The following SLC8A1 variants were observed in gnomAD, a reference collection of about 807,000 sequenced individuals.
SLC8A1 encodes sodium/calcium exchanger 1.
Under a neutral mutation model 68.3 loss-of-function variants are expected in SLC8A1, and 18 were observed. The ratio of observed to expected loss-of-function variants is 0.26; its 90% CI spans 0.18 to 0.39. SLC8A1 has a LOEUF of 0.39. Among genes scored for constraint, SLC8A1 ranks in the 10% least tolerant of loss-of-function variants. The probability of loss-of-function intolerance (pLI) is 1.00; values close to 1 mark genes in which losing one functional copy is unlikely to be tolerated. For synonymous variants in SLC8A1, 475 were observed against 415.5 expected (o/e 1.14, Z -1.74); for missense variants, 985 against 1,156.7 (o/e 0.85, Z 2.15).
rs754267998 is a variant in SLC8A1, at chr2:40,429,550, A to G, written c.731T>C (p.Ile244Thr). 50 of 1,613,656 alleles carry G rather than the reference A, an allele frequency of 3.1e-5. No individual in the cohort carries two copies. The highest frequency in any genetic ancestry group is 4.0e-5 in the African/African-American group (3 of 74,882). ...CGCTACCCAAGCGAACACAACACAG[A>G]TGGGAAAGAAGAAGAAAGTAAGCAA... Residue 244 changes from isoleucine (I) to threonine (T), a missense_variant, in exon 2 of 8, where the codon ATC becomes ACC. Physicochemically the swap from Ile to Thr is moderately conservative, Grantham distance 89. Around this residue, in one of 5 missense-constraint regions of SLC8A1, gnomAD observed 88 missense variants for 111.8 expected, o/e 0.79. Coordinates refer to ENST00000406785, the Ensembl canonical transcript of SLC8A1.
intron 2 of SLC8A1, among the ~76,000 whole-genome samples, chr2:40,211,539 G>T (rs1160131559): frequency 2.0e-5 from 3 of 152,182 alleles, no homozygotes; most frequent in Non-Finnish European, 4.4e-5. Flanking sequence ...CATCTTGGAA[G>T]ATTTTCATGT....
At chr2:40,379,513 G>T (rs962378557) in intron 2 of SLC8A1, among the ~76,000 whole-genome samples, 7 of 152,054 alleles carry the variant, frequency 4.6e-5, no homozygotes, top group Non-Finnish European at 7.4e-5. Flanking sequence ...CTTCTCAAAA[G>T]TGTCCCCCAT....
At chr2:40,409,797 A>G (rs1691525422) in intron 2 of SLC8A1, among the ~76,000 whole-genome samples, 1 of 152,166 alleles carries the variant, frequency 6.6e-6, no homozygotes, top group African/African-American at 2.4e-5. Flanking sequence ...CAGAAAAGGC[A>G]GTGAGAATGT....
chr2:40,319,081 CA>C lies in SLC8A1; in HGVS notation c.1808+109391del, dbSNP rs2074863625. Among the ~76,000 whole-genome samples the C allele has an allele frequency of 7.9e-5, 12 of 152,172 alleles. No homozygotes were observed. In the South Asian group the frequency reaches 2.5e-3, roughly 32 times the overall value. On this transcript the variant is annotated intron_variant, in intron 2 of 7. Transcript: ENST00000406785. ...CAGCTGAGAAGGTAATTTAGGTAGA[CA>C]CAATGAGAAAGCCTTAATTCCTGGC... is the stretch of plus-strand genomic sequence containing the variant.
intron 2 of SLC8A1, among the ~76,000 whole-genome samples, chr2:40,374,039 T>C (rs981739): frequency 0.68 from 103,683 of 152,022 alleles, 36,546 homozygotes; most frequent in African/African-American, 0.86. Context: ...CAGGACGCAG[T>C]GAGGTAAAGT....
intron 2 of SLC8A1, among the ~76,000 whole-genome samples, chr2:40,343,268 A>G (rs1668271199): frequency 6.6e-6 from 1 of 152,086 alleles, no homozygotes; most frequent in African/African-American, 2.4e-5. Context: ...GCCATAGGAT[A>G]ACTCACTTCC....
At chr2:40,162,559 G>A (rs942253035) in intron 5 of SLC8A1, among the ~76,000 whole-genome samples, 1 of 151,982 alleles carries the variant, frequency 6.6e-6, no homozygotes, top group Non-Finnish European at 1.5e-5. Flanking sequence ...AAAACTCAGG[G>A]TAGATTTTAA....
intron 2 of SLC8A1, among the ~76,000 whole-genome samples, chr2:40,336,928 A>C (rs1666152575): frequency 6.6e-6 from 1 of 152,162 alleles, no homozygotes; most frequent in Non-Finnish European, 1.5e-5. Flanking sequence ...TGCTTACTTT[A>C]TAGAGGTGGT....
At chr2:40,303,502 A>G (rs1000052226) in intron 2 of SLC8A1, among the ~76,000 whole-genome samples, 3 of 152,190 alleles carry the variant, frequency 2.0e-5, no homozygotes, top group African/African-American at 7.2e-5. Flanking sequence ...AAAATACTCC[A>G]CTAACTTGAC....
At chr2:40,448,340 G>A (rs1197012154) in intron 1 of SLC8A1, among the ~76,000 whole-genome samples, 6 of 152,160 alleles carry the variant, frequency 3.9e-5, no homozygotes, top group South Asian at 2.1e-4. Flanking sequence ...AAGTAATCCC[G>A]CTGCACTTAA....
At chr2:40,459,257 A>G (rs200304674) in intron 1 of SLC8A1, among the ~76,000 whole-genome samples, 1 of 152,212 alleles carries the variant, frequency 6.6e-6, no homozygotes, top group Non-Finnish European at 1.5e-5. Flanking sequence ...GGTTTAGGGA[A>G]AGTACTAGTT....
At chr2:40,423,283 G>A (rs1482855977) in intron 2 of SLC8A1, among the ~76,000 whole-genome samples, 2 of 151,942 alleles carry the variant, frequency 1.3e-5, no homozygotes, top group East Asian at 1.9e-4. Context: ...TCCTCCAAAA[G>A]CAAATGAAAA....
chr2:40,289,268 T>G (rs1457135247), intron 2 of SLC8A1, among the ~76,000 whole-genome samples: 1 of 152,276 alleles, frequency 6.6e-6, no homozygotes, highest in East Asian at 1.9e-4. Flanking sequence ...TGAAAAATAT[T>G]GTTAAACTAT....
chr2:40,329,225 G>A (rs868383931), intron 2 of SLC8A1, among the ~76,000 whole-genome samples: 3 of 152,070 alleles, frequency 2.0e-5, no homozygotes, highest in South Asian at 2.1e-4. Context: ...TTACGCAACC[G>A]TTAGGTCCAA....
chr2:40,222,169 GAT>G (rs367861306), intron 2 of SLC8A1, among the ~76,000 whole-genome samples: 1 of 150,110 alleles, frequency 6.7e-6, no homozygotes, highest in African/African-American at 2.4e-5. Flanking sequence ...TACCAAATTA[GAT>G]ATATATATAT....
chr2:40,267,554 C>T (rs1272538807), intron 2 of SLC8A1, among the ~76,000 whole-genome samples: 3 of 152,098 alleles, frequency 2.0e-5, no homozygotes, highest in East Asian at 1.9e-4. Context: ...TTTGTGAAAG[C>T]AGGAAATATG....
chr2:40,316,245 T>C (rs1472632156), intron 2 of SLC8A1, among the ~76,000 whole-genome samples: 3 of 152,014 alleles, frequency 2.0e-5, no homozygotes, highest in Non-Finnish European at 4.4e-5. Flanking sequence ...TCCTTTGTGG[T>C]TCAAGGACAT....
chr2:40,493,391 G>A lies in SLC8A1; in HGVS notation c.-25+18958C>T, dbSNP rs183030329. Among the ~76,000 whole-genome samples the A allele has an allele frequency of 3.8e-3, 582 of 151,522 alleles. 5 individuals are homozygous for A. Among genetic ancestry groups the A allele is most frequent in the African/African-American group, 0.013 (534 of 41,206 alleles). On this transcript the variant is annotated intron_variant, in intron 1 of 7. Transcript: ENST00000402441. ...GGGATAGCTTTAGGAGATATACCTA[G>A]TGCTAAATGACGAGTTAGTGTGTGC... is the stretch of plus-strand genomic sequence containing the variant.
chr2:40,124,399 A>G (rs181016679), intron 7 of SLC8A1, among the ~76,000 whole-genome samples: 54 of 152,312 alleles, frequency 3.5e-4, no homozygotes, highest in African/African-American at 1.2e-3. Flanking sequence ...AAAAATATGA[A>G]CACTATTAAA....
Sources: allele counts gnomAD v4.1 joint callset (sites outside exome capture counted in the v4.1 genomes callset), GRCh38; gene constraint gnomAD v4.1.1; regional missense constraint gnomAD v4.1.1; transcripts MANE v1.5; gene names NCBI Gene and HGNC (gene_info 2026-07-23, HGNC 2026-07-21).